MAP3K1: variants seen among roughly 807,000 people sequenced by gnomAD.
The protein encoded by MAP3K1 is MAP/ERK kinase kinase 1.
Under a neutral mutation model 144.2 loss-of-function variants are expected in MAP3K1, and 36 were observed. That is an observed-to-expected ratio of 0.25 (90% CI 0.19 to 0.33). MAP3K1 has a LOEUF of 0.33. Among genes scored for constraint, MAP3K1 ranks in the 10% least tolerant of loss-of-function variants. The pLI is 1.00. For synonymous variants in MAP3K1, 718 were observed against 688.7 expected, an observed-to-expected ratio of 1.04 and a Z score of -0.67; for missense variants, 1,650 against 1,881.9, an observed-to-expected ratio of 0.88 and a Z score of 2.28.
intron 10 of MAP3K1, among the ~76,000 whole-genome samples, chr5:56,877,262 TC>T: frequency 6.6e-6 from 1 of 152,350 alleles, no homozygotes; most frequent in Admixed American, 6.5e-5. Flanking sequence ...TTTTGCTAGT[TC>T]CTTTTCTGCA....
At chr5:56,840,978 C>T (rs1184225628) in intron 1 of MAP3K1, among the ~76,000 whole-genome samples, 3 of 151,322 alleles carry the variant, frequency 2.0e-5, no homozygotes, top group Non-Finnish European at 2.9e-5. Flanking sequence ...CGAGTTCAAG[C>T]GATTCTCCTG....
At chr5:56,873,305 T>G (rs1747916912) in intron 9 of MAP3K1, among the ~76,000 whole-genome samples, 1 of 152,226 alleles carries the variant, frequency 6.6e-6, no homozygotes, top group Non-Finnish European at 1.5e-5. Flanking sequence ...AACCCTTCAA[T>G]GCTAACTTTT....
At chr5:56,834,601 C>G (rs1465260811) in intron 1 of MAP3K1, among the ~76,000 whole-genome samples, 1 of 152,082 alleles carries the variant, frequency 6.6e-6, no homozygotes, top group African/African-American at 2.4e-5. Flanking sequence ...CCCAGCTACT[C>G]GGGAAGCTGA....
In MAP3K1 at chr5:56,846,993, CT is replaced by C. The variant is rs1747017555; in HGVS notation, c.483-9606del. ...GGTAGTTTTTAATGGAATCTGCCAG[CT>C]ACATTTCTGAGAGACATGAGTGTGC... On this transcript the variant is annotated intron_variant, in intron 1 of 19. Transcript: ENST00000399503. Among the ~76,000 whole-genome samples, 12 of 152,198 alleles carry C rather than the reference CT, an allele frequency of 7.9e-5. No homozygotes were observed. In the South Asian group the frequency reaches 2.5e-3, roughly 32 times the overall value.
At chr5:56,852,532 A>G (rs1747205596) in intron 1 of MAP3K1, among the ~76,000 whole-genome samples, 1 of 152,196 alleles carries the variant, frequency 6.6e-6, no homozygotes, top group African/African-American at 2.4e-5. Context: ...TTTCCTAAAT[A>G]AACAGGAAAT....
intron 1 of MAP3K1, among the ~76,000 whole-genome samples, chr5:56,841,255 A>G (rs1283200572): frequency 1.3e-5 from 2 of 152,090 alleles, no homozygotes; most frequent in African/African-American, 4.8e-5. Flanking sequence ...ACGATCTTAA[A>G]ATCTTTGTGC....
intron 1 of MAP3K1, among the ~76,000 whole-genome samples, chr5:56,817,991 G>A (rs1746031327): frequency 6.6e-6 from 1 of 152,170 alleles, no homozygotes; most frequent in Non-Finnish European, 1.5e-5. Context: ...TTAAGGTGTA[G>A]ATTATAATTG....
intron 6 of MAP3K1, 111 bp from the exon 7 acceptor site, chr5:56,871,798 CT>C: frequency 1.1e-6 from 1 of 941,080 alleles, no homozygotes. Flanking sequence ...ATAAGATGCT[CT>C]TAAGAATTTC....
Position 56,881,668 on chromosome 5 carries a change from C to T in MAP3K1, c.2468C>T (p.Ser823Phe). The stretch of plus-strand genomic sequence containing the variant: ...CTTTCCAGAAGGATCTACTTGAGTT[C>T]TGCAAGAATGGTTACTACAGTACCC... ...GKLSRRIYLS[S>F]ARMVTTVPHV... Residue 823 changes from serine (S) to phenylalanine (F), a missense_variant, in exon 14 of 20, where the codon TCT becomes TTT. This residue lies in a region of MAP3K1 where 841 missense variants were observed against 886.5 expected (regional missense o/e 0.95). Coordinates refer to ENST00000399503, the MANE Select transcript of MAP3K1 (RefSeq NM_005921.2). 6.2e-7 allele frequency: 1 copy of T among 1,613,966 alleles called. No homozygotes were observed. The highest frequency in any genetic ancestry group is 8.5e-7 in the Non-Finnish European group (1 of 1,179,886).
In MAP3K1 at chr5:56,895,430, C is replaced by G. The variant is rs1376372908; in HGVS notation, c.*1750C>G. 8.7e-6 allele frequency: 2 copies of G among 229,072 alleles called. No homozygotes were observed. The highest frequency in any genetic ancestry group is 1.7e-5 in the Non-Finnish European group (2 of 116,398). The allele number at this position is 229,072 out of a possible 1,614,324, so 14.2% of individuals were successfully genotyped here. A position where few individuals can be genotyped will look rare whatever the true frequency, so the allele number is the denominator to read the frequency against. ...CTAATAAGATTGTTTCCAAGTCTCT[C>G]ATGTGCAAGCTTTAAAGGATGCACT... On this transcript the variant is annotated 3_prime_UTR_variant, in exon 20 of 20. Coordinates refer to ENST00000399503, the MANE Select transcript of MAP3K1 (RefSeq NM_005921.2).
chr5:56,872,782 G>A lies in MAP3K1; in HGVS notation c.1506-43G>A, dbSNP rs373116554. On this transcript the variant is annotated intron_variant, in intron 8 of 19. Transcript: ENST00000399503. ...TTTTAAAAATTTCTCAGTGTGGTTT[G>A]TCTTAATTTTTTTAAAGCAAGTTTT... is the stretch of plus-strand genomic sequence containing the variant. 4 of 1,610,196 alleles carry A rather than the reference G, an allele frequency of 2.5e-6. No individual in the cohort carries two copies. The African/African-American group carries it at 5.3e-5, about 22-fold the overall frequency.
At chr5:56,864,493 A>C (rs1747615048) in intron 3 of MAP3K1, among the ~76,000 whole-genome samples, 1 of 151,128 alleles carries the variant, frequency 6.6e-6, no homozygotes, top group Non-Finnish European at 1.5e-5. Context: ...CTCCTGCCTC[A>C]GCCTCAGAGT....
At chr5:56,832,508 C>A (rs985058945) in intron 1 of MAP3K1, among the ~76,000 whole-genome samples, 1 of 152,118 alleles carries the variant, frequency 6.6e-6, no homozygotes, top group African/African-American at 2.4e-5. Flanking sequence ...AATTTTGATT[C>A]CCATTTTACA....
chr5:56,861,561 A>AGAC (rs1561186238), intron 3 of MAP3K1, among the ~76,000 whole-genome samples: 1 of 115,794 alleles, frequency 8.6e-6, no homozygotes, highest in Non-Finnish European at 1.7e-5. Flanking sequence ...CGACAGAGTG[A>AGAC]GACTCCTAAA....
At chr5:56,861,937 TAAA>T in intron 3 of MAP3K1, 1 of 152,306 alleles carries the variant, frequency 6.6e-6, no homozygotes, top group Middle Eastern at 3.4e-3. Flanking sequence ...ATAAATTCGT[TAAA>T]AAGTACATTT....
rs1351645514 is a variant in MAP3K1, at chr5:56,875,101, C to T, written c.1756C>T (p.Arg586Cys). 3.7e-6 allele frequency: 6 copies of T among 1,614,018 alleles called. No individual in the cohort carries two copies. The highest frequency in any genetic ancestry group is 5.1e-6 in the Non-Finnish European group (6 of 1,180,020). The change falls in exon 10 of 20, where the codon CGT becomes TGT. Residue 586 changes from arginine (R) to cysteine (C), a missense_variant. Physicochemically the swap from Arg to Cys is radical, Grantham distance 180. This residue lies in a region of MAP3K1 where 841 missense variants were observed against 886.5 expected (regional missense o/e 0.95). Coordinates refer to ENST00000399503, the MANE Select transcript of MAP3K1 (RefSeq NM_005921.2). ...GAATGTGAGAGAGATGGCCCTCAGGCGTCTTTCCCATGATGTCAGTGGGGC... is the reference window on the plus strand; with the variant it reads ...GAATGTGAGAGAGATGGCCCTCAGGTGTCTTTCCCATGATGTCAGTGGGGC... Reference protein sequence around the residue: ...NWNVREMALRRLSHDVSGALL... With the variant: ...NWNVREMALRCLSHDVSGALL...
rs886117762 is a variant in MAP3K1 at position 56,872,663 on chromosome 5, T to C, written c.1446T>C (p.Asn482=). The C allele has an allele frequency of 6.8e-6, 11 of 1,606,864 alleles. No homozygotes were observed. The highest frequency in any genetic ancestry group is 9.4e-6 in the Non-Finnish European group (11 of 1,174,304). Reference sequence around the variant, plus strand: ...CAGGGGCAGAAGAGTGTAGAAGAAATAGAGAACCTTTAATATGTCCCCTTT... The same window carrying C: ...CAGGGGCAGAAGAGTGTAGAAGAAACAGAGAACCTTTAATATGTCCCCTTT... The part of the protein sequence containing the change: ...MSIWAEECRR[N]REPLICPLCR... The change falls in exon 8 of 20, where the codon AAT becomes AAC. Residue 482 remains asparagine, a synonymous_variant. Transcript: ENST00000399503.
At chr5:56,860,214 T>C (rs1454182508) in intron 3 of MAP3K1, among the ~76,000 whole-genome samples, 1 of 152,210 alleles carries the variant, frequency 6.6e-6, no homozygotes. Context: ...CTATATTCAT[T>C]ATTGCTATGT....
At position 56,835,346 on chromosome 5, in the gene MAP3K1, GA is replaced by G. The variant is rs1318877895; in HGVS notation, c.482+19292del. On this transcript the variant is annotated intron_variant, in intron 1 of 19. Transcript: ENST00000399503. ...GAAGAGGAGACAAGGAGGCAGGGAA[GA>G]GTTGACAGGAAGGCAGGGAAGAGGA... Among the ~76,000 whole-genome samples the G allele has an allele frequency of 9.2e-4, 75 of 81,510 alleles. 5 individuals carry two copies. In the East Asian group the frequency reaches 0.016, roughly 17 times the overall value. The allele number at this position is 81,510 out of a possible 152,430, so 53.5% of individuals were successfully genotyped here.
Sources: allele counts gnomAD v4.1 joint callset (sites outside exome capture counted in the v4.1 genomes callset), GRCh38; gene constraint gnomAD v4.1.1; regional missense constraint gnomAD v4.1.1; transcripts MANE v1.5; gene names NCBI Gene and HGNC (gene_info 2026-07-23, HGNC 2026-07-21).